Variants in ANKS1B observed in about 807,000 individuals in gnomAD.
ANKS1B encodes the protein ankyrin repeat and sterile alpha motif domain-containing protein 1B.
A neutral mutation model predicts 148.3 loss-of-function variants in ANKS1B; 36 were observed. The ratio of observed to expected loss-of-function variants is 0.24; its 90% CI spans 0.19 to 0.32. The LOEUF is 0.32. Ranked by LOEUF, ANKS1B falls within the 10% of genes least tolerant of loss-of-function variation. The pLI, the probability that ANKS1B is intolerant of heterozygous loss-of-function variation, is 1.00. For synonymous variants in ANKS1B, 542 were observed against 560.8 expected (o/e 0.97, Z 0.47); for missense variants, 1,157 against 1,542.6 (o/e 0.75, Z 4.19).
intron 1 of ANKS1B, among the ~76,000 whole-genome samples, chr12:99,881,249 C>T (rs2092461673): frequency 6.6e-6 from 1 of 152,104 alleles, no homozygotes; most frequent in East Asian, 1.9e-4. Context: ...GGGGAAATTC[C>T]AGGTTTTTCT....
chr12:99,269,318 T>C (rs1220051875), intron 12 of ANKS1B, among the ~76,000 whole-genome samples: 1 of 152,226 alleles, frequency 6.6e-6, no homozygotes, highest in Non-Finnish European at 1.5e-5. Flanking sequence ...ATCTATGGTT[T>C]ACACATAAAA....
intron 17 of ANKS1B, among the ~76,000 whole-genome samples, chr12:98,948,392 C>T (rs116737452): frequency 3.5e-4 from 54 of 152,222 alleles, no homozygotes; most frequent in African/African-American, 1.2e-3. Context: ...AGTGGGGGGA[C>T]CTTCGGAGGT....
At chr12:98,989,721 T>G (rs1050486793) in intron 17 of ANKS1B, among the ~76,000 whole-genome samples, 10 of 152,006 alleles carry the variant, frequency 6.6e-5, no homozygotes, top group Non-Finnish European at 1.5e-4. Flanking sequence ...GGGAGGATCA[T>G]TTGAACCCAG....
At chr12:98,908,504 C>T (rs549058249) in intron 17 of ANKS1B, among the ~76,000 whole-genome samples, 4 of 152,284 alleles carry the variant, frequency 2.6e-5, no homozygotes, top group African/African-American at 9.6e-5. Flanking sequence ...GTTTCCTCAT[C>T]TGGAAAACTG....
intron 12 of ANKS1B, among the ~76,000 whole-genome samples, chr12:99,332,221 C>G (rs1195947515): frequency 6.6e-6 from 1 of 152,002 alleles, no homozygotes; most frequent in Non-Finnish European, 1.5e-5. Flanking sequence ...TGAAACTGAA[C>G]ACAATTTTTC....
intron 12 of ANKS1B, among the ~76,000 whole-genome samples, chr12:99,301,689 G>C (rs562779342): frequency 7.2e-5 from 11 of 152,052 alleles, no homozygotes; most frequent in Non-Finnish European, 4.4e-5. Flanking sequence ...CCCAAAGTCA[G>C]AAAAAGATGA....
chr12:99,279,783 G>C (rs150031520), intron 12 of ANKS1B, among the ~76,000 whole-genome samples: 1 of 152,236 alleles, frequency 6.6e-6, no homozygotes, highest in Non-Finnish European at 1.5e-5. Context: ...GGAGGCCAAG[G>C]TGGGTGGATC....
intron 1 of ANKS1B, among the ~76,000 whole-genome samples, chr12:99,864,827 C>T (rs897231461): frequency 6.6e-6 from 1 of 152,206 alleles, no homozygotes; most frequent in Non-Finnish European, 1.5e-5. Flanking sequence ...CCAACATTAG[C>T]TTCCCCAAGC....
At chr12:99,222,477 G>A (rs1441672634) in intron 14 of ANKS1B, among the ~76,000 whole-genome samples, 1 of 152,166 alleles carries the variant, frequency 6.6e-6, no homozygotes, top group Non-Finnish European at 1.5e-5. Flanking sequence ...TTAGCTGGGT[G>A]TGGTGGCCCA....
At chr12:99,124,216 G>C (rs1440704472) in intron 15 of ANKS1B, among the ~76,000 whole-genome samples, 1 of 152,186 alleles carries the variant, frequency 6.6e-6, no homozygotes, top group Non-Finnish European at 1.5e-5. Flanking sequence ...CAATTAAACA[G>C]AGGAGAGGTG....
In ANKS1B at chr12:99,139,440, T is replaced by TTCTCTCTTTC. The variant is rs201769650; in HGVS notation, c.2526+14848_2526+14849insGAAAGAGAGA. On this transcript the variant is annotated intron_variant, in intron 15 of 26. Coordinates refer to ENST00000683438, the MANE Select transcript of ANKS1B (RefSeq NM_001352186.2). Reference sequence around the variant, plus strand: ...TTTCTTTCTTTCTTTCTTTCTTTCTTTTTCTTTCTTTCTTTCTTTCAAGAT... The same window carrying TTCTCTCTTTC: ...TTTCTTTCTTTCTTTCTTTCTTTCTTTCTCTCTTTCTTTCTTTCTTTCTTTCTTTCAAGAT... Among the ~76,000 whole-genome samples, 3 of 4,742 alleles carry TTCTCTCTTTC rather than the reference T, an allele frequency of 6.3e-4. 1 individual carries two copies. Among genetic ancestry groups the TTCTCTCTTTC allele is most frequent in the African/African-American group, 5.1e-3 (3 of 594 alleles). The allele number at this position is 4,742 out of a possible 152,430, so 3.1% of individuals were successfully genotyped here.
chr12:99,718,310 A>G (rs888737040), intron 8 of ANKS1B, among the ~76,000 whole-genome samples: 41 of 152,206 alleles, frequency 2.7e-4, no homozygotes, highest in African/African-American at 8.9e-4. Context: ...CCTGGACTAC[A>G]GCTGTATCTC....
chr12:98,842,959 T>C lies in ANKS1B; in HGVS notation c.2779-10823A>G, dbSNP rs140335550. ...CATAACACTTCAGTAAAAATGTTTA[T>C]GCTTTCTAAGTACTTACAACAAATG... On this transcript the variant is annotated intron_variant, in intron 17 of 26. Transcript: ENST00000683438. 6.4e-4 allele frequency among the ~76,000 whole-genome samples: 98 copies of C among 152,376 alleles called. No individual in the cohort carries two copies. In the Middle Eastern group the frequency reaches 0.014, roughly 21 times the overall value.
chr12:99,666,660 G>A (rs903692931), intron 8 of ANKS1B, among the ~76,000 whole-genome samples: 5 of 152,024 alleles, frequency 3.3e-5, no homozygotes, highest in Middle Eastern at 3.2e-3. Context: ...CACACGTTTC[G>A]TGTTTCTGGA....
At chr12:99,007,574 A>T (rs1598376603) in intron 17 of ANKS1B, among the ~76,000 whole-genome samples, 1 of 152,178 alleles carries the variant, frequency 6.6e-6, no homozygotes, top group South Asian at 2.1e-4. Flanking sequence ...AGTCTAGTCC[A>T]GCCTTATAGC....
At chr12:99,617,021 G>A (rs1394656231) in intron 9 of ANKS1B, among the ~76,000 whole-genome samples, 2 of 152,160 alleles carry the variant, frequency 1.3e-5, no homozygotes, top group African/African-American at 4.8e-5. Context: ...CATTTATGTG[G>A]CCAAAAAACA....
intron 10 of ANKS1B, among the ~76,000 whole-genome samples, chr12:99,480,317 C>T (rs925320612): frequency 4.0e-5 from 6 of 151,794 alleles, no homozygotes; most frequent in Non-Finnish European, 7.4e-5. Flanking sequence ...AATGTAGGCA[C>T]ATTGCCATTT....
At chr12:99,178,745 A>G (rs1251656271) in intron 14 of ANKS1B, among the ~76,000 whole-genome samples, 4 of 152,236 alleles carry the variant, frequency 2.6e-5, no homozygotes, top group Non-Finnish European at 5.9e-5. Context: ...TAGATCATAA[A>G]TAACTTAAGA....
chr12:99,731,920 A>G (rs1321240794), intron 8 of ANKS1B, among the ~76,000 whole-genome samples: 2 of 152,208 alleles, frequency 1.3e-5, no homozygotes, highest in Non-Finnish European at 2.9e-5. Flanking sequence ...AAATCTGATG[A>G]AGAACTTGTT....
Sources: gnomAD v4.1 joint callset for allele counts (sites outside exome capture counted in the v4.1 genomes callset) on GRCh38, gnomAD v4.1.1 for gene constraint, MANE v1.5 for transcripts, NCBI Gene and HGNC (gene_info 2026-07-23, HGNC 2026-07-21) for gene names.